The following ARFRP1 variants were observed in gnomAD, a reference collection of about 807,000 sequenced individuals.
ARFRP1 encodes ADP-ribosylation factor-related protein 1.
ARFRP1 carries 19 observed loss-of-function variants against 30.3 expected under a neutral mutation model. The observed-to-expected ratio is 0.63, with a 90% CI of 0.44 to 0.92. The LOEUF is 0.92. ARFRP1 is among the 40% of genes least tolerant of loss of function. ARFRP1 has a pLI of 0.00. For missense variants in ARFRP1, 245 were observed against 267.5 expected, an observed-to-expected ratio of 0.92 and a Z score of 0.59; for synonymous variants, 133 against 114.2, an observed-to-expected ratio of 1.16 and a Z score of -1.05.
intron 1 of ARFRP1, 83 bp downstream of exon 1, chr20:63,707,779 AAAGCT>A (rs1282153353): frequency 3.3e-5 from 5 of 152,266 alleles, no homozygotes; most frequent in Admixed American, 6.5e-5. Flanking sequence ...ACAAGCAGCC[AAAGCT>A]GGCTCCTGTC....
chr20:63,707,404 C>T, intron 1 of ARFRP1: 1 of 278,056 alleles, frequency 3.6e-6, no homozygotes, highest in Non-Finnish European at 6.9e-6. Flanking sequence ...TCCCGCCCTC[C>T]CCCGAGGCTT....
At chr20:63,702,848 T>C (rs957057689) in intron 4 of ARFRP1, 4 of 154,056 alleles carry the variant, frequency 2.6e-5, no homozygotes, top group African/African-American at 9.7e-5. Flanking sequence ...AGTGTGGCCA[T>C]GCGGATAAGA....
At chr20:63,700,990 AG>A in intron 6 of ARFRP1, among the ~76,000 whole-genome samples, 1 of 152,274 alleles carries the variant, frequency 6.6e-6, no homozygotes, top group South Asian at 2.1e-4. Context: ...TGGGGCGCTG[AG>A]GACTGAGGCC....
chr20:63,698,659 T>C lies in ARFRP1; in HGVS notation c.*1784A>G. ...AGAAGAAATGAGGTTTCTTAAAGCT[T>C]ATTTTTATAAAGCTTTTTCATAAAA... On this transcript the variant is annotated 3_prime_UTR_variant, in exon 8 of 8. Transcript: ENST00000622789. 1 of 1,314,426 alleles carries C rather than the reference T, an allele frequency of 7.6e-7. No homozygotes were observed. The allele number at this position is 1,314,426 out of a possible 1,614,324, so 81.4% of individuals were successfully genotyped here. A position where few individuals can be genotyped will look rare whatever the true frequency, so the allele number is the denominator to read the frequency against.
At chr20:63,701,988 C>A in intron 5 of ARFRP1, 88 bp from the exon 6 acceptor site, 3 of 1,273,960 alleles carry the variant, frequency 2.4e-6, no homozygotes, top group Admixed American at 2.1e-5. Context: ...CTGTGACAGC[C>A]ACTCCCTCTG....
chr20:63,700,224 AGG>A lies in ARFRP1; in HGVS notation c.*217_*218del. 5 of 647,514 alleles carry A rather than the reference AGG, an allele frequency of 7.7e-6. No homozygotes were observed. Among genetic ancestry groups the A allele is most frequent in the Non-Finnish European group, 1.0e-5 (4 of 388,436 alleles). The allele number at this position is 647,514 out of a possible 1,614,324, so 40.1% of individuals were successfully genotyped here. ...CGCCCTGTGGAAAGGCTGCCGCTGC[AGG>A]GCCTGGGCCAGCCGGGCTGCCAGAC... On this transcript the variant is annotated 3_prime_UTR_variant, in exon 8 of 8. Transcript: ENST00000622789.
chr20:63,701,298 G>A (rs775651088), intron 6 of ARFRP1: 3 of 530,660 alleles, frequency 5.7e-6, no homozygotes, highest in South Asian at 1.4e-5. Flanking sequence ...CTGGCCCTCT[G>A]GACGCCGGGC....
At chr20:63,701,600 G>A (rs1485276371) in intron 6 of ARFRP1, 3 of 594,638 alleles carry the variant, frequency 5.0e-6, no homozygotes, top group South Asian at 4.0e-5. Context: ...AGCAGGAAGA[G>A]GCCTCTGGGC....
At chr20:63,706,471 G>C (rs764328829) in intron 3 of ARFRP1, 32 bp from the exon 4 acceptor site, 1 of 1,605,178 alleles carries the variant, frequency 6.2e-7, no homozygotes, top group African/African-American at 1.3e-5. Context: ...CAAGGCTCAT[G>C]ACCTTGGTCC....
chr20:63,702,244 C>G, intron 4 of ARFRP1, 27 bp from the exon 5 acceptor site: 1 of 1,598,220 alleles, frequency 6.3e-7, no homozygotes, highest in Non-Finnish European at 8.6e-7. Context: ...GGAGTTGGGG[C>G]TCAGTCCCCA....
intron 4 of ARFRP1, chr20:63,705,862 G>A (rs2091429869): frequency 2.2e-5 from 10 of 453,786 alleles, no homozygotes; most frequent in South Asian, 1.7e-4. Context: ...TCAAACCCAA[G>A]CCAGGGTTTG....
chr20:63,701,819 G>T lies in ARFRP1; in HGVS notation c.417+11C>A. 1 of 1,549,862 alleles carries T rather than the reference G, an allele frequency of 6.5e-7. No homozygotes were observed. Among genetic ancestry groups the T allele is most frequent in the Non-Finnish European group, 8.7e-7 (1 of 1,146,754 alleles). On this transcript the variant is annotated intron_variant, in intron 6 of 7. Coordinates refer to ENST00000622789, the MANE Select transcript of ARFRP1 (RefSeq NM_001267547.3). ...CGGGAAGCTGCTGCGGGAGGCAGGG[G>T]TGGGGCTCACCTCCACATCCTGCTT...
Position 63,702,283 on chromosome 20 carries a change from T to C in ARFRP1, c.265-66A>G. 4 of 1,471,168 alleles carry C rather than the reference T, an allele frequency of 2.7e-6. No individual in the cohort carries two copies. The East Asian group carries it at 9.1e-5, about 34-fold the overall frequency. The allele number at this position is 1,471,168 out of a possible 1,614,324, so 91.1% of individuals were successfully genotyped here. A position where few individuals can be genotyped will look rare whatever the true frequency, so the allele number is the denominator to read the frequency against. ...TGCCAAGGGCCAGCAGAGCCAGGCC[T>C]GTGTCATGGCCACAGTGAGGGGCTC... On this transcript the variant is annotated intron_variant, in intron 4 of 7. Transcript: ENST00000622789.
At chr20:63,706,501 C>A (rs1419220680) in intron 3 of ARFRP1, 62 bp from the exon 4 acceptor site, 6 of 1,570,324 alleles carry the variant, frequency 3.8e-6, no homozygotes, top group Admixed American at 3.3e-5. Context: ...CCAGTCCCAG[C>A]TCTCCCAGGG....
At chr20:63,702,058 C>T in intron 5 of ARFRP1, 78 bp downstream of exon 5, 1 of 1,503,902 alleles carries the variant, frequency 6.6e-7, no homozygotes, top group Non-Finnish European at 9.1e-7. Flanking sequence ...CTGAGCCTGC[C>T]CCAGGCACAG....
chr20:63,707,850 C>T lies in ARFRP1; in HGVS notation c.-7+17G>A, dbSNP rs1478619344. On this transcript the variant is annotated intron_variant, in intron 1 of 7. Transcript: ENST00000622789. ...GCCCCTCGGGCCTCGCGCCTCACCG[C>T]ACAGCCTGCGGCCTACCTGCGTCCG... 2 of 152,604 alleles carry T rather than the reference C, an allele frequency of 1.3e-5. No homozygotes were observed. Among genetic ancestry groups the T allele is most frequent in the Non-Finnish European group, 2.9e-5 (2 of 68,372 alleles). 9.5% of individuals were successfully genotyped at this position (152,604 alleles called of 1,614,324 possible). A position where few individuals can be genotyped will look rare whatever the true frequency, so the allele number is the denominator to read the frequency against.
Position 63,700,676 on chromosome 20 carries a change from C to G in ARFRP1, c.444G>C (p.Lys148Asn). ...TGCTGGTGCAGTCGCTGAAGGCCGT[C>G]TTGATGTCAGGGATTGAGAGGCACG... ...VETCLSIPDI[K>N]TAFSDCTSKI... Residue 148 changes from lysine (K) to asparagine (N), a missense_variant, in exon 7 of 8, where the codon AAG (lysine) becomes AAC (asparagine). Physicochemically the swap from Lys to Asn is moderately conservative, Grantham distance 94 (BLOSUM62 0). Transcript: ENST00000622789. 5.0e-6 allele frequency: 8 copies of G among 1,611,048 alleles called. No individual in the cohort carries two copies. The highest frequency in any genetic ancestry group is 6.8e-6 in the Non-Finnish European group (8 of 1,179,908).
rs937756948 is a variant in ARFRP1, at chr20:63,706,672, T to C, written c.160A>G (p.Thr54Ala). 1 of 1,613,418 alleles carries C rather than the reference T, an allele frequency of 6.2e-7. No individual in the cohort carries two copies. Among genetic ancestry groups the C allele is most frequent in the Non-Finnish European group, 8.5e-7 (1 of 1,179,492 alleles). The change falls in exon 3 of 8, where the codon ACC (threonine) becomes GCC (alanine). Residue 54 changes from threonine to alanine, a missense_variant. Thr to Ala is a moderately conservative substitution (Grantham distance 58). Coordinates refer to ENST00000622789, the MANE Select transcript of ARFRP1 (RefSeq NM_001267547.3). ...NYKGMSLSKI[T>A]TTVGLNIGTV... is the part of the protein sequence containing the mutation. ...TTACTGTTTAGGCCCACGGTGGTGG[T>C]GATTTTGGATAGACTCATCCCCTTG... is the stretch of plus-strand genomic sequence containing the variant.
rs755624456 is a variant in ARFRP1 at position 63,700,426 on chromosome 20, C to T, written c.*17G>A. Reference sequence around the variant, plus strand: ...AGCACCAGGGGACCAGCCGTCCCGACGGCAGCGCGGCTGCGCCTACGTGAT... The same window carrying T: ...AGCACCAGGGGACCAGCCGTCCCGATGGCAGCGCGGCTGCGCCTACGTGAT... On this transcript the variant is annotated 3_prime_UTR_variant, in exon 8 of 8. Coordinates refer to ENST00000622789, the MANE Select transcript of ARFRP1 (RefSeq NM_001267547.3). 40 of 1,605,928 alleles carry T rather than the reference C, an allele frequency of 2.5e-5. No individual in the cohort carries two copies. The highest frequency in any genetic ancestry group is 5.0e-5 in the Admixed American group (3 of 59,964).
Sources: allele counts gnomAD v4.1 joint callset (sites outside exome capture counted in the v4.1 genomes callset), GRCh38; gene constraint gnomAD v4.1.1; transcripts MANE v1.5; gene names NCBI Gene and HGNC (gene_info 2026-07-23, HGNC 2026-07-21).